The following RS1 variants were observed in gnomAD, a reference collection of about 807,000 sequenced individuals.
RS1 encodes the protein retinoschisin.
In RS1, 2 loss-of-function variants were observed where a neutral mutation model predicts 20.8. The observed-to-expected ratio is 0.10, with a 90% CI of 0.04 to 0.30. The LOEUF (loss-of-function observed/expected upper bound fraction) is 0.30. Ranked by LOEUF, RS1 falls within the 10% of genes least tolerant of loss-of-function variation. The pLI, the probability that RS1 is intolerant of heterozygous loss-of-function variation, is 1.00. For missense variants in RS1, 151 were observed against 189.8 expected, an observed-to-expected ratio of 0.80 and a Z score of 1.20; for synonymous variants, 70 against 75.8, an observed-to-expected ratio of 0.92 and a Z score of 0.40.
rs765535216 is a variant in RS1, at chrX:18,650,483, A to G, written c.185-3151T>C. The G allele has an allele frequency of 1.4e-5, 17 of 1,210,204 alleles. No individual in the cohort carries two copies. The highest frequency in any genetic ancestry group is 1.3e-5 in the Non-Finnish European group (12 of 895,135). On this transcript the variant is annotated intron_variant, in intron 3 of 5. Transcript: ENST00000379984. Reference sequence around the variant, plus strand: ...TCCCAAACCGAGCCCTTCATCGTCCAATCTCCAGTCCTGCTCCCTATCCAG... The same window carrying G: ...TCCCAAACCGAGCCCTTCATCGTCCGATCTCCAGTCCTGCTCCCTATCCAG...
At chrX:18,656,087 G>C (rs745671788) in intron 3 of RS1, among the ~76,000 whole-genome samples, 12 of 102,128 alleles carry the variant, frequency 1.2e-4, no homozygotes, top group South Asian at 9.4e-4. Context: ...CGCCTCCCGG[G>C]TTCAAGCAAT....
chrX:18,649,737 G>C (rs887027085), intron 3 of RS1, among the ~76,000 whole-genome samples: 1 of 112,331 alleles, frequency 8.9e-6, no homozygotes, highest in African/African-American at 3.2e-5. Context: ...TGGCCTGCCA[G>C]GGAAGACATT....
chrX:18,665,759 G>A (rs1224734369), intron 1 of RS1, among the ~76,000 whole-genome samples: 1 of 108,082 alleles, frequency 9.3e-6, no homozygotes, highest in Non-Finnish European at 1.9e-5. Context: ...AGGTGTGGTG[G>A]CACACACCTG....
chrX:18,642,050 A>G lies in RS1; in HGVS notation c.629T>C (p.Ile210Thr), dbSNP rs757697856. ...RLIPLGWHVR[I>T]AIRMELLECV... Reference sequence around the variant, plus strand: ...CTCCAGCAGCTCCATCCGGATGGCAATGCGGACGTGCCAGCCCAGCGGGAT... The same window carrying G: ...CTCCAGCAGCTCCATCCGGATGGCAGTGCGGACGTGCCAGCCCAGCGGGAT... Residue 210 changes from isoleucine (I) to threonine (T), a missense_variant, in exon 6 of 6, where the codon ATT becomes ACT. Ile to Thr is a moderately conservative substitution (Grantham distance 89). Transcript: ENST00000379984. 2 of 1,211,504 alleles carry G rather than the reference A, an allele frequency of 1.7e-6. No homozygotes were observed. Among genetic ancestry groups the G allele is most frequent in the East Asian group, 3.0e-5 (1 of 33,810 alleles).
At position 18,641,944 on chromosome X, in the gene RS1, G is replaced by A; in HGVS notation, c.*60C>T. The stretch of plus-strand genomic sequence containing the variant: ...GTCCATCTCGGTGGTGTGTGAGGGG[G>A]TCCCCTACGGCCCGCTCTGTGCCAG... On this transcript the variant is annotated 3_prime_UTR_variant, in exon 6 of 6. Coordinates refer to ENST00000379984, the MANE Select transcript of RS1 (RefSeq NM_000330.4). The A allele has an allele frequency of 1.8e-6, 2 of 1,131,559 alleles. No homozygotes were observed. The highest frequency in any genetic ancestry group is 2.4e-6 in the Non-Finnish European group (2 of 844,642). The allele number at this position is 1,131,559 out of a possible 1,213,427, so 93.3% of individuals were successfully genotyped here. A position where few individuals can be genotyped will look rare whatever the true frequency, so the allele number is the denominator to read the frequency against.
Position 18,653,637 on chromosome X carries a change from G to A in RS1, c.184+3016C>T, listed in dbSNP as rs1032169780. ...CAATGAATCAACCATTAACGCTGAGGTTGAGTTTTCCTTTCTGAAAATATC... is the reference window on the plus strand; with the variant it reads ...CAATGAATCAACCATTAACGCTGAGATTGAGTTTTCCTTTCTGAAAATATC... On this transcript the variant is annotated intron_variant, in intron 3 of 5. Transcript: ENST00000379984. 17 of 1,090,446 alleles carry A rather than the reference G, an allele frequency of 1.6e-5. No homozygotes were observed. In the East Asian group the frequency reaches 5.2e-4, roughly 34 times the overall value. 89.9% of individuals were successfully genotyped at this position (1,090,446 alleles called of 1,213,427 possible).
intron 1 of RS1, among the ~76,000 whole-genome samples, chrX:18,667,459 C>T (rs1366560721): frequency 1.9e-5 from 2 of 107,680 alleles, no homozygotes; most frequent in Non-Finnish European, 3.8e-5. Flanking sequence ...GGAGGAGAAT[C>T]GATTGAACCC....
At chrX:18,664,738 A>T (rs1004889382) in intron 1 of RS1, among the ~76,000 whole-genome samples, 11 of 111,013 alleles carry the variant, frequency 9.9e-5, no homozygotes, top group Non-Finnish European at 2.1e-4. Flanking sequence ...ATTTTGAGAC[A>T]GGTTCTTGCT....
At chrX:18,642,264 G>T in intron 5 of RS1, 108 bp from the exon 6 acceptor site, 1 of 908,137 alleles carries the variant, frequency 1.1e-6, no homozygotes, top group Non-Finnish European at 1.6e-6. Context: ...TGATTAGGAA[G>T]TAGTTAAAGC....
chrX:18,648,022 C>G (rs1927858957), intron 3 of RS1, among the ~76,000 whole-genome samples: 1 of 111,253 alleles, frequency 9.0e-6, no homozygotes, highest in African/African-American at 3.3e-5. Flanking sequence ...TTCCTCTCGT[C>G]TGTATGTCCC....
At chrX:18,651,264 T>TGTGTGAGAGAGA (rs1491242962) in intron 3 of RS1, among the ~76,000 whole-genome samples, 22 of 69,004 alleles carry the variant, frequency 3.2e-4, no homozygotes, top group African/African-American at 1.4e-3. Flanking sequence ...TGTGTGTGTG[T>TGTGTGAGAGAGA]GAGAGAGAGA....
intron 3 of RS1, among the ~76,000 whole-genome samples, chrX:18,651,951 C>T (rs1173893394): frequency 2.7e-5 from 3 of 110,586 alleles, no homozygotes; most frequent in Non-Finnish European, 5.7e-5. Flanking sequence ...CACACCCCTC[C>T]GCCTGGCCCC....
At chrX:18,642,944 C>T (rs1393666267) in intron 5 of RS1, among the ~76,000 whole-genome samples, 3 of 110,808 alleles carry the variant, frequency 2.7e-5, no homozygotes, top group Admixed American at 9.6e-5. Context: ...ACTCTGGAGG[C>T]GGAGGCAGGA....
chrX:18,661,020 G>A (rs1325937102), intron 1 of RS1, among the ~76,000 whole-genome samples: 1 of 112,061 alleles, frequency 8.9e-6, no homozygotes, highest in Non-Finnish European at 1.9e-5. Context: ...ACCCGCTATG[G>A]GCAGAATTGA....
rs138888450 is a variant in RS1 at position 18,661,547 on chromosome X, C to T, written c.53-3882G>A. On this transcript the variant is annotated intron_variant, in intron 1 of 5. Transcript: ENST00000379984. ...GCTTTCTGTATCTCAGGGTTCTTGC[C>T]TTGGGGTATCGGAAGAATCAGATCA... Among the ~76,000 whole-genome samples the T allele has an allele frequency of 3.6e-3, 406 of 111,886 alleles. 4 individuals carry two copies. Among genetic ancestry groups the T allele is most frequent in the African/African-American group, 0.013 (390 of 30,786 alleles).
At chrX:18,660,340 C>T (rs1179195780) in intron 1 of RS1, among the ~76,000 whole-genome samples, 7 of 108,908 alleles carry the variant, frequency 6.4e-5, no homozygotes, top group Non-Finnish European at 1.1e-4. Context: ...CTCAGCCTCC[C>T]GAGTAGCTGG....
chrX:18,654,743 C>T (rs761565375), intron 3 of RS1, among the ~76,000 whole-genome samples: 6 of 112,000 alleles, frequency 5.4e-5, no homozygotes, highest in Admixed American at 3.8e-4. Context: ...GGTTTCCTCA[C>T]GATTGGGACC....
intron 1 of RS1, among the ~76,000 whole-genome samples, chrX:18,670,150 G>C (rs974142413): frequency 9.0e-6 from 1 of 110,576 alleles, no homozygotes; most frequent in Non-Finnish European, 1.9e-5. Flanking sequence ...CATCGCGGGG[G>C]TGGGGAGGTC....
At chrX:18,660,572 A>G (rs1384592428) in intron 1 of RS1, among the ~76,000 whole-genome samples, 2 of 111,847 alleles carry the variant, frequency 1.8e-5, no homozygotes, top group East Asian at 5.6e-4. Context: ...AAAATTTCCG[A>G]CTAAACCTGA....
Sources: gnomAD v4.1 joint callset for allele counts (sites outside exome capture counted in the v4.1 genomes callset) on GRCh38, gnomAD v4.1.1 for gene constraint, MANE v1.5 for transcripts, NCBI Gene and HGNC (gene_info 2026-07-23, HGNC 2026-07-21) for gene names.